Variants in ASB11 observed in about 807,000 individuals in gnomAD.
ASB11 encodes the protein ankyrin repeat and SOCS box protein 11.
Under a neutral mutation model 20.1 loss-of-function variants are expected in ASB11, and 17 were observed. That is an observed-to-expected ratio of 0.85 (90% confidence interval 0.58 to 1.27). The LOEUF (loss-of-function observed/expected upper bound fraction) is 1.27, where lower values mean the gene tolerates loss of function less well. Ranked by LOEUF, ASB11 falls within the 50% of genes most tolerant of loss-of-function variation. The probability of loss-of-function intolerance (pLI) is 0.00; values close to 1 mark genes in which losing one functional copy is unlikely to be tolerated. For missense variants in ASB11, 259 were observed against 256.9 expected, an observed-to-expected ratio of 1.01 and a Z score of -0.06; for synonymous variants, 107 against 105.6, an observed-to-expected ratio of 1.01 and a Z score of -0.08.
intron 3 of ASB11, 69 bp downstream of exon 3, chrX:15,297,505 T>C: frequency 1.1e-6 from 1 of 927,261 alleles, no homozygotes; most frequent in South Asian, 2.6e-5. Context: ...ATCTGGAAGG[T>C]AAACTATCAT....
intron 3 of ASB11, among the ~76,000 whole-genome samples, chrX:15,293,892 G>C (rs1393308685): frequency 1.2e-5 from 1 of 85,224 alleles, no homozygotes; most frequent in African/African-American, 4.2e-5. Context: ...GTTGTGGGGT[G>C]GGGGGAGGGG....
At chrX:15,292,910 C>T (rs1035556982) in intron 4 of ASB11, among the ~76,000 whole-genome samples, 8 of 111,817 alleles carry the variant, frequency 7.2e-5, no homozygotes, top group African/African-American at 2.6e-4. Flanking sequence ...GAAAGGCCTG[C>T]CAATAGACCA....
At chrX:15,294,599 G>A (rs1470937935) in intron 3 of ASB11, among the ~76,000 whole-genome samples, 1 of 111,085 alleles carries the variant, frequency 9.0e-6, no homozygotes, top group Non-Finnish European at 1.9e-5. Context: ...TCAAACTCCT[G>A]GGTTCAAATG....
At chrX:15,293,488 C>T (rs1274986207) in intron 3 of ASB11, among the ~76,000 whole-genome samples, 168 bp from the exon 4 acceptor site, 2 of 112,304 alleles carry the variant, frequency 1.8e-5, no homozygotes, top group Non-Finnish European at 3.8e-5. Context: ...TTGGGTGGAT[C>T]GAGCGAGTTA....
intron 1 of ASB11, 69 bp from the exon 2 acceptor site, chrX:15,302,876 C>G: frequency 2.0e-6 from 2 of 985,903 alleles, no homozygotes; most frequent in Admixed American, 4.5e-5. Flanking sequence ...ATGCTGCCCA[C>G]CCACTGTGAG....
At chrX:15,300,421 C>T (rs1921028091) in intron 2 of ASB11, among the ~76,000 whole-genome samples, 1 of 112,619 alleles carries the variant, frequency 8.9e-6, no homozygotes, top group Non-Finnish European at 1.9e-5. Context: ...ATGTTTTACT[C>T]ACATCGATCA....
intron 1 of ASB11, among the ~76,000 whole-genome samples, chrX:15,305,066 C>T (rs1921192705): frequency 9.0e-6 from 1 of 111,596 alleles, no homozygotes; most frequent in Non-Finnish European, 1.9e-5. Context: ...ATAATAGAAT[C>T]AGCTTCAACT....
chrX:15,315,330 GTATAAA>G (rs759707963), intron 1 of ASB11, 89 bp downstream of exon 1: 34 of 783,329 alleles, frequency 4.3e-5, no homozygotes, highest in Middle Eastern at 5.3e-4. Context: ...TAAAATCAAA[GTATAAA>G]TATAATCTGC....
In ASB11 at chrX:15,283,216, A is replaced by G. The variant is rs930318665; in HGVS notation, c.*289T>C. 6 of 209,488 alleles carry G rather than the reference A, an allele frequency of 2.9e-5. No individual in the cohort carries two copies. Among genetic ancestry groups the G allele is most frequent in the African/African-American group, 1.4e-4 (5 of 35,248 alleles). 17.3% of individuals were successfully genotyped at this position (209,488 alleles called of 1,213,427 possible). ...ACTTTTAGGTACAAGAAGATCCCGA[A>G]TCATCAAAAAACAGCCTATTGTTTT... On this transcript the variant is annotated 3_prime_UTR_variant, in exon 7 of 7. Coordinates refer to ENST00000480796, the MANE Select transcript of ASB11 (RefSeq NM_080873.3).
chrX:15,282,197 A>G lies in ASB11; in HGVS notation c.*1308T>C, dbSNP rs1427914307. 6 of 109,991 alleles carry G rather than the reference A, an allele frequency of 5.5e-5. No individual in the cohort carries two copies. Among genetic ancestry groups the G allele is most frequent in the African/African-American group, 1.6e-4 (5 of 30,315 alleles). The allele number at this position is 109,991 out of a possible 1,213,427, so 9.1% of individuals were successfully genotyped here. A position where few individuals can be genotyped will look rare whatever the true frequency, so the allele number is the denominator to read the frequency against. On this transcript the variant is annotated 3_prime_UTR_variant, in exon 7 of 7. Transcript: ENST00000480796. ...GCCAAAGGTCTAGAAAAATTGGGGG[A>G]AAAAAAAACATGTGTGAAATGAGTC...
At chrX:15,292,091 T>C (rs1210336904) in intron 4 of ASB11, 1 of 110,065 alleles carries the variant, frequency 9.1e-6, no homozygotes, top group Admixed American at 9.7e-5. Flanking sequence ...AGTTCATTAC[T>C]CTACAACTTA....
intron 4 of ASB11, among the ~76,000 whole-genome samples, chrX:15,291,314 G>A (rs1927524716): frequency 9.0e-6 from 1 of 111,674 alleles, no homozygotes; most frequent in African/African-American, 3.3e-5. Flanking sequence ...AAGCACTGCA[G>A]ACATACTTAA....
At chrX:15,314,473 G>A in intron 1 of ASB11, 1 of 1,200,655 alleles carries the variant, frequency 8.3e-7, no homozygotes, top group Non-Finnish European at 1.1e-6. Context: ...ATTTTCCCCA[G>A]TTAATTGAAG....
intron 1 of ASB11, among the ~76,000 whole-genome samples, chrX:15,305,597 T>TTAGATAGATAGATAGATAGA (rs74919898): frequency 2.0e-5 from 2 of 98,539 alleles, no homozygotes; most frequent in African/African-American, 3.7e-5. Context: ...AAAAAAAAGA[T>TTAGATAGATAGATAGATAGA]TAGATAGATA....
chrX:15,300,955 AT>A (rs1431626006), intron 2 of ASB11, among the ~76,000 whole-genome samples: 1 of 110,999 alleles, frequency 9.0e-6, no homozygotes, highest in Non-Finnish European at 1.9e-5. Context: ...CACCTTTTTA[AT>A]TTTATTTATT....
At chrX:15,290,349 C>G (rs1210238916) in intron 4 of ASB11, among the ~76,000 whole-genome samples, 4 of 112,053 alleles carry the variant, frequency 3.6e-5, no homozygotes, top group Non-Finnish European at 7.5e-5. Context: ...CAAGAGAACC[C>G]TGTCGCCTCT....
At chrX:15,314,619 G>T in intron 1 of ASB11, 3 of 856,209 alleles carry the variant, frequency 3.5e-6, no homozygotes, top group Non-Finnish European at 1.5e-6. Context: ...AATTGAAATG[G>T]ATACTAGATA....
rs147971829 is a variant in ASB11, at chrX:15,315,439, T to C, written c.167A>G (p.Tyr56Cys). 5.4e-6 allele frequency: 6 copies of C among 1,110,464 alleles called. No individual in the cohort carries two copies. The highest frequency in any genetic ancestry group is 7.1e-6 in the Non-Finnish European group (6 of 847,353). 91.5% of individuals were successfully genotyped at this position (1,110,464 alleles called of 1,213,427 possible). ...TGTACTTTTACCTGAAATTCCACCA[T>C]AGATCTCTTCTGCTATCCTAGCCGC... is the stretch of plus-strand genomic sequence containing the variant. ...KEAARIAEEI[Y>C]GGISDCWADR... The change falls in exon 1 of 7, where the codon TAT becomes TGT. Residue 56 changes from tyrosine to cysteine, a missense_variant. Physicochemically the swap from Tyr to Cys is radical, Grantham distance 194 (BLOSUM62 -2). Transcript: ENST00000480796.
intron 1 of ASB11, among the ~76,000 whole-genome samples, chrX:15,304,408 A>G (rs1921166692): frequency 8.9e-6 from 1 of 112,600 alleles, no homozygotes; most frequent in South Asian, 3.6e-4. Context: ...TAGCATGAAA[A>G]TGTGATTTTC....
Sources: gnomAD v4.1 joint callset for allele counts (sites outside exome capture counted in the v4.1 genomes callset) on GRCh38, gnomAD v4.1.1 for gene constraint, MANE v1.5 for transcripts, NCBI Gene and HGNC (gene_info 2026-07-23, HGNC 2026-07-21) for gene names.